The following CDYL variants were observed in gnomAD, a reference collection of about 807,000 sequenced individuals.
CDYL encodes the protein chromodomain Y like, also known as chromodomain Y-like protein.
In CDYL, 8 loss-of-function variants were observed where a neutral mutation model predicts 47.3. The ratio of observed to expected loss-of-function variants is 0.17; its 90% CI spans 0.10 to 0.31. The LOEUF is 0.31. CDYL is among the 10% of genes least tolerant of loss of function. The probability of loss-of-function intolerance (pLI) is 1.00; values close to 1 mark genes in which losing one functional copy is unlikely to be tolerated. For synonymous variants in CDYL, 266 were observed against 265.0 expected, an observed-to-expected ratio of 1.00 and a Z score of -0.04; for missense variants, 471 against 701.4, an observed-to-expected ratio of 0.67 and a Z score of 3.71.
rs1260155418 is a variant in CDYL at position 4,867,808 on chromosome 6, A to C, written c.25-23905A>C. ...TTTTTTGGTAAAAAAGATTTTGCTG[A>C]TTTCCTTTTCTTCTGGAGTCAGTTT... is the stretch of plus-strand genomic sequence containing the variant. On this transcript the variant is annotated intron_variant, in intron 1 of 6. Coordinates refer to ENST00000397588, the MANE Select transcript of CDYL (RefSeq NM_004824.4). Among the ~76,000 whole-genome samples the C allele has an allele frequency of 2.9e-5, 4 of 138,588 alleles. No homozygotes were observed. In the Admixed American group the frequency reaches 2.9e-4, roughly 10 times the overall value. The allele number at this position is 138,588 out of a possible 152,430, so 90.9% of individuals were successfully genotyped here.
chr6:4,904,436 T>G (rs1757165662), intron 2 of CDYL, among the ~76,000 whole-genome samples: 1 of 152,250 alleles, frequency 6.6e-6, no homozygotes, highest in Non-Finnish European at 1.5e-5. Context: ...TCCAAAGTGT[T>G]TGTTACTGCA....
At chr6:4,758,491 C>T (rs1349775309) in intron 3 of CDYL, among the ~76,000 whole-genome samples, 2 of 151,650 alleles carry the variant, frequency 1.3e-5, no homozygotes, top group Non-Finnish European at 2.9e-5. Context: ...CAAAACCCAT[C>T]TCTACTAAAA....
chr6:4,835,080 C>T (rs1439703559), intron 1 of CDYL, among the ~76,000 whole-genome samples: 1 of 152,204 alleles, frequency 6.6e-6, no homozygotes. Context: ...TCGTCAAAGT[C>T]ATTCTCCGTC....
chr6:4,868,828 TCTTGAAATACTGAAATA>T (rs758190957), intron 1 of CDYL, among the ~76,000 whole-genome samples: 36 of 152,336 alleles, frequency 2.4e-4, no homozygotes, highest in African/African-American at 6.3e-4. Flanking sequence ...AGTTATTACA[TCTTGAAATACTGAAATA>T]CTTGAAATAC....
At position 4,897,760 on chromosome 6, in the gene CDYL, T is replaced by TAAG. The variant is rs3054997; in HGVS notation, c.691+5383_691+5384insGAA. On this transcript the variant is annotated intron_variant, in intron 2 of 6. Coordinates refer to ENST00000397588, the MANE Select transcript of CDYL (RefSeq NM_004824.4). ...AGTAAGGACCCCATCTTCATAAAAA[T>TAAG]AACTATTTTCCTAGGTTTTGAAGGT... 2.0e-5 allele frequency among the ~76,000 whole-genome samples: 3 copies of TAAG among 150,252 alleles called. No individual in the cohort carries two copies. In the South Asian group the frequency reaches 6.3e-4, roughly 31 times the overall value.
At chr6:4,822,036 A>G (rs947409402) in intron 1 of CDYL, among the ~76,000 whole-genome samples, 9 of 152,024 alleles carry the variant, frequency 5.9e-5, no homozygotes, top group Non-Finnish European at 1.2e-4. Flanking sequence ...AGTGGTGTCA[A>G]TGGCTCACTA....
chr6:4,717,461 C>A (rs1409733202), intron 2 of CDYL, among the ~76,000 whole-genome samples: 1 of 151,788 alleles, frequency 6.6e-6, no homozygotes, highest in African/African-American at 2.4e-5. Flanking sequence ...CTTTGGGAGG[C>A]TGAGGTGAGG....
At chr6:4,805,410 C>T (rs548008870) in intron 1 of CDYL, among the ~76,000 whole-genome samples, 6 of 152,236 alleles carry the variant, frequency 3.9e-5, no homozygotes, top group East Asian at 1.9e-4. Context: ...ATTCGAATGG[C>T]GGAAATTTCA....
At chr6:4,754,177 A>G (rs1758039699) in intron 3 of CDYL, among the ~76,000 whole-genome samples, 1 of 152,180 alleles carries the variant, frequency 6.6e-6, no homozygotes, top group African/African-American at 2.4e-5. Context: ...CATAAATTTC[A>G]GTTGAATTGA....
At position 4,935,660 on chromosome 6, in the gene CDYL, G is replaced by A. The variant is rs773452834; in HGVS notation, c.837G>A (p.Arg279=). Residue 279 remains arginine, a synonymous_variant, in exon 3 of 7, where the codon AGG becomes AGA. Transcript: ENST00000397588. ...PFDKRLRFSV[R]QTESAYRYRD... is the part of the protein sequence containing the mutation. ...ACAAGCGATTGCGTTTCAGCGTGAG[G>A]CAAACAGAAAGTGCCTACAGATACA... 1.2e-6 allele frequency: 2 copies of A among 1,614,120 alleles called. No homozygotes were observed. The highest frequency in any genetic ancestry group is 1.7e-6 in the Non-Finnish European group (2 of 1,180,052).
intron 5 of CDYL, among the ~76,000 whole-genome samples, chr6:4,951,030 G>A (rs3827801): frequency 0.047 from 7,129 of 152,006 alleles, 214 homozygotes; most frequent in South Asian, 0.099. Context: ...AGTCAGCCAC[G>A]TGTTTGCTTT....
chr6:4,729,666 C>T (rs1216891406), intron 2 of CDYL, among the ~76,000 whole-genome samples: 1 of 152,168 alleles, frequency 6.6e-6, no homozygotes, highest in Non-Finnish European at 1.5e-5. Flanking sequence ...GTCTGTAATC[C>T]CAGCACTTTG....
In CDYL at chr6:4,840,789, G is replaced by T. The variant is rs566600195; in HGVS notation, c.25-50924G>T. Among the ~76,000 whole-genome samples the T allele has an allele frequency of 2.0e-5, 3 of 152,216 alleles. No homozygotes were observed. In the South Asian group the frequency reaches 6.2e-4, roughly 32 times the overall value. On this transcript the variant is annotated intron_variant, in intron 1 of 6. Transcript: ENST00000397588. ...TCTTTTTGAAGTGTTGTTGGATTCA[G>T]TTTGCTAGTATTTTGTTAAGGATTT...
chr6:4,873,628 C>T (rs1761534750), intron 1 of CDYL, among the ~76,000 whole-genome samples: 1 of 152,154 alleles, frequency 6.6e-6, no homozygotes, highest in Non-Finnish European at 1.5e-5. Context: ...AGAACATTAA[C>T]TTACATTTAA....
chr6:4,810,470 G>T (rs1759497127), intron 1 of CDYL, among the ~76,000 whole-genome samples: 1 of 152,142 alleles, frequency 6.6e-6, no homozygotes, highest in African/African-American at 2.4e-5. Flanking sequence ...TGTATGGGAT[G>T]ACTCAGTGTT....
At chr6:4,881,676 T>C (rs1761765551) in intron 1 of CDYL, among the ~76,000 whole-genome samples, 1 of 152,220 alleles carries the variant, frequency 6.6e-6, no homozygotes, top group Admixed American at 6.5e-5. Flanking sequence ...GGATTTTGCA[T>C]TAAACATTAT....
chr6:4,919,585 CA>C (rs1325154289), intron 2 of CDYL, among the ~76,000 whole-genome samples: 1 of 152,026 alleles, frequency 6.6e-6, no homozygotes, highest in East Asian at 1.9e-4. Context: ...GAGCATTATT[CA>C]AAAAAATTCT....
chr6:4,932,908 G>A (rs925079626), intron 2 of CDYL, among the ~76,000 whole-genome samples: 1 of 152,134 alleles, frequency 6.6e-6, no homozygotes, highest in African/African-American at 2.4e-5. Context: ...CTTTCATTGT[G>A]TCCTGTGGTC....
rs11970533 is a variant in CDYL at position 4,799,103 on chromosome 6, A to G, written c.24+22296A>G. Among the ~76,000 whole-genome samples the G allele has an allele frequency of 7.6e-3, 1,158 of 152,314 alleles. 12 individuals are homozygous for G. Among genetic ancestry groups the G allele is most frequent in the African/African-American group, 0.027 (1,116 of 41,556 alleles). ...TGCAGCTCTGCTTCAGTCTATCAAAATTTGATATGCTTTCATTAGAATCCA... is the reference window on the plus strand; with the variant it reads ...TGCAGCTCTGCTTCAGTCTATCAAAGTTTGATATGCTTTCATTAGAATCCA... On this transcript the variant is annotated intron_variant, in intron 1 of 6. Coordinates refer to ENST00000397588, the MANE Select transcript of CDYL (RefSeq NM_004824.4).
Sources: allele counts gnomAD v4.1 joint callset (sites outside exome capture counted in the v4.1 genomes callset), GRCh38; gene constraint gnomAD v4.1.1; transcripts MANE v1.5; gene names NCBI Gene and HGNC (gene_info 2026-07-23, HGNC 2026-07-21).